Variants in DYNC2I1 observed in about 807,000 individuals in gnomAD.
DYNC2I1 encodes the protein cytoplasmic dynein 2 intermediate chain 1.
Under a neutral mutation model 133.4 loss-of-function variants are expected in DYNC2I1, and 89 were observed. The observed-to-expected ratio is 0.67, with a 90% confidence interval of 0.56 to 0.80. The LOEUF (loss-of-function observed/expected upper bound fraction) is 0.80, where lower values mean the gene tolerates loss of function less well. DYNC2I1 is among the 30% of genes least tolerant of loss of function. The pLI, the probability that DYNC2I1 is intolerant of heterozygous loss-of-function variation, is 0.00. For synonymous variants in DYNC2I1, 504 were observed against 484.3 expected (o/e 1.04, Z -0.54); for missense variants, 1,291 against 1,314.5 (o/e 0.98, Z 0.28).
chr7:158,914,615 C>T (rs555506269), intron 14 of DYNC2I1, among the ~76,000 whole-genome samples: 22 of 152,190 alleles, frequency 1.4e-4, no homozygotes, highest in South Asian at 1.2e-3. Context: ...CTAGCAGACA[C>T]GAAGTTGGCA....
intron 23 of DYNC2I1, among the ~76,000 whole-genome samples, chr7:158,938,379 A>G (rs569436211): frequency 6.6e-6 from 1 of 152,198 alleles, no homozygotes; most frequent in African/African-American, 2.4e-5. Flanking sequence ...CAAAACTGTC[A>G]TTCAAATATG....
chr7:158,848,516 T>TC, the DYNC2I1 span, among the ~76,000 whole-genome samples: 1 of 152,182 alleles, frequency 6.6e-6, no homozygotes, highest in African/African-American at 2.4e-5. Context: ...AAAAGGGAGT[T>TC]AAAGGACTCG....
chr7:158,952,317 G>A (rs1425769455), intron 4 of DYNC2I1, among the ~76,000 whole-genome samples: 2 of 152,202 alleles, frequency 1.3e-5, no homozygotes, highest in Non-Finnish European at 2.9e-5. Flanking sequence ...TCCCATCCCA[G>A]TGTGTCCCAC....
chr7:158,887,026 C>T lies in DYNC2I1; in HGVS notation c.941C>T (p.Ala314Val), dbSNP rs139730326. The T allele has an allele frequency of 0.011, 17,229 of 1,613,532 alleles. 113 individuals carry two copies. The highest frequency in any genetic ancestry group is 0.022 in the Middle Eastern group (135 of 6,056). ...TGATTATGTTTGCTTTCCAGGCATG[C>T]TGAGAATTTAGTAAGGAATCATGGA... ...SKRDGTSSQH[A>V]ENLVRNHGKD... The change falls in exon 7 of 25, where the codon GCT becomes GTT. Residue 314 changes from alanine to valine, a missense_variant. Physicochemically the swap from Ala to Val is moderately conservative, Grantham distance 64 (BLOSUM62 0). Coordinates refer to ENST00000407559, the MANE Select transcript of DYNC2I1 (RefSeq NM_018051.5).
intron 21 of DYNC2I1, among the ~76,000 whole-genome samples, chr7:158,933,399 G>A (rs1026247446): frequency 2.0e-5 from 3 of 152,200 alleles, no homozygotes; most frequent in African/African-American, 7.2e-5. Context: ...TGTCTCTGGG[G>A]CTTGAGCCCC....
chr7:158,923,699 C>T lies in DYNC2I1; in HGVS notation c.2223C>T (p.Gly741=), dbSNP rs763226702. 11 of 1,613,396 alleles carry T rather than the reference C, an allele frequency of 6.8e-6. No individual in the cohort carries two copies. Among genetic ancestry groups the T allele is most frequent in the Non-Finnish European group, 5.1e-6 (6 of 1,179,536 alleles). The change falls in exon 17 of 25, where the codon GGC becomes GGT. Residue 741 remains glycine (G), a synonymous_variant. Coordinates refer to ENST00000407559, the MANE Select transcript of DYNC2I1 (RefSeq NM_018051.5). ...ATTACTCTGTGACGCTGAGCGATGGCTTCTGGACGTTCCGGACCGCCACGT... is the reference window on the plus strand; with the variant it reads ...ATTACTCTGTGACGCTGAGCGATGGTTTCTGGACGTTCCGGACCGCCACGT... ...RLHYSVTLSD[G]FWTFRTATFS... is the part of the protein sequence containing the mutation.
At chr7:158,882,158 C>A (rs1339065239) in intron 5 of DYNC2I1, among the ~76,000 whole-genome samples, 1 of 152,178 alleles carries the variant, frequency 6.6e-6, no homozygotes, top group Non-Finnish European at 1.5e-5. Flanking sequence ...CTGTTCCTAT[C>A]TGAGTGGCTT....
intron 3 of DYNC2I1, among the ~76,000 whole-genome samples, 193 bp downstream of exon 3, chr7:158,871,755 C>CAA (rs1842909035): frequency 6.6e-6 from 1 of 152,124 alleles, no homozygotes; most frequent in South Asian, 2.1e-4. Flanking sequence ...ACGGCAGCCT[C>CAA]AACTTCCTGG....
chr7:158,916,367 G>T (rs71546425), intron 14 of DYNC2I1, among the ~76,000 whole-genome samples: 2,327 of 55,446 alleles, frequency 0.042, 6 homozygotes, highest in Middle Eastern at 0.065. Flanking sequence ...GTGAAACGTC[G>T]ACACGCTGGT....
chr7:158,919,124 T>A (rs2129486153), intron 15 of DYNC2I1, among the ~76,000 whole-genome samples: 1 of 152,310 alleles, frequency 6.6e-6, no homozygotes, highest in East Asian at 1.9e-4. Context: ...TGAGATTGTT[T>A]GAATGAATGG....
intron 8 of DYNC2I1, among the ~76,000 whole-genome samples, chr7:158,900,731 G>GTTTTTTTT (rs35689002): frequency 9.5e-6 from 1 of 105,734 alleles, no homozygotes; most frequent in African/African-American, 3.6e-5. Context: ...ATTTTGTTCT[G>GTTTTTTTT]TTTTTTTTTT....
At chr7:158,949,146 C>T (rs1194804328), downstream of DYNC2I1, among the ~76,000 whole-genome samples, 2 of 152,156 alleles carry the variant, frequency 1.3e-5, no homozygotes, top group Non-Finnish European at 2.9e-5. Context: ...CACCTCTGGC[C>T]TCCCATCCTC....
chr7:158,910,055 G>A (rs776618234), intron 11 of DYNC2I1, among the ~76,000 whole-genome samples: 6 of 152,186 alleles, frequency 3.9e-5, no homozygotes, highest in Non-Finnish European at 8.8e-5. Context: ...ATTGAGCACC[G>A]GCTGTGTGGC....
intron 7 of DYNC2I1, among the ~76,000 whole-genome samples, chr7:158,890,092 C>T (rs887864817): frequency 6.6e-6 from 1 of 151,312 alleles, no homozygotes; most frequent in Non-Finnish European, 1.5e-5. Flanking sequence ...AAGTGATCCT[C>T]TTGCCTCAGC....
In DYNC2I1 at chr7:158,912,985, G is replaced by A; in HGVS notation, c.1591G>A (p.Ala531Thr). The change falls in exon 13 of 25, where the codon GCA becomes ACA. Residue 531 changes from alanine to threonine, a missense_variant and splice_region_variant. Coordinates refer to ENST00000407559, the MANE Select transcript of DYNC2I1 (RefSeq NM_018051.5). Reference sequence around the variant, plus strand: ...ATTTTGGCATATTTTTGTTTTTAAGGCATATGTTCAGTGTAACGAAGATAA... The same window carrying A: ...ATTTTGGCATATTTTTGTTTTTAAGACATATGTTCAGTGTAACGAAGATAA... The part of the protein sequence containing the change: ...RNFGKKNTKQ[A>T]YVQCNEDNVE... 1.2e-6 allele frequency: 2 copies of A among 1,601,002 alleles called. No homozygotes were observed. The highest frequency in any genetic ancestry group is 1.1e-5 in the South Asian group (1 of 87,972).
chr7:158,866,606 C>T (rs757882032), intron 1 of DYNC2I1, among the ~76,000 whole-genome samples: 2 of 152,000 alleles, frequency 1.3e-5, no homozygotes, highest in Non-Finnish European at 2.9e-5. Context: ...AATAGTTGGC[C>T]GGGCGTGGTG....
At chr7:158,897,838 G>T (rs140342715) in intron 8 of DYNC2I1, among the ~76,000 whole-genome samples, 266 of 152,218 alleles carry the variant, frequency 1.7e-3, no homozygotes, top group Middle Eastern at 6.8e-3. Context: ...AAACTTAGAT[G>T]ATTGATTTTA....
intron 12 of DYNC2I1, among the ~76,000 whole-genome samples, chr7:158,912,377 C>G (rs966364930): frequency 2.0e-5 from 3 of 152,186 alleles, no homozygotes; most frequent in Non-Finnish European, 4.4e-5. Flanking sequence ...CTAGTTGGTA[C>G]ACTCAATAAA....
chr7:158,934,401 G>A lies in DYNC2I1; in HGVS notation c.2647-17G>A, dbSNP rs957226414. 2 of 1,604,504 alleles carry A rather than the reference G, an allele frequency of 1.2e-6. No homozygotes were observed. The highest frequency in any genetic ancestry group is 1.7e-6 in the Non-Finnish European group (2 of 1,175,704). On this transcript the variant is annotated splice_polypyrimidine_tract_variant and intron_variant, in intron 22 of 24. Transcript: ENST00000407559. ...GTAATGCACTCGTTCAGTCACTCTTGGGCTTCTTCTTCACAGGGTCTCATA... is the reference window on the plus strand; with the variant it reads ...GTAATGCACTCGTTCAGTCACTCTTAGGCTTCTTCTTCACAGGGTCTCATA...
Sources: allele counts gnomAD v4.1 joint callset (sites outside exome capture counted in the v4.1 genomes callset), GRCh38; gene constraint gnomAD v4.1.1; transcripts MANE v1.5; gene names NCBI Gene and HGNC (gene_info 2026-07-23, HGNC 2026-07-21).